RFPL1: variants seen among roughly 807,000 people sequenced by gnomAD.
RFPL1 encodes the protein ret finger protein-like 1.
Under a neutral mutation model 9.6 loss-of-function variants are expected in RFPL1, and 6 were observed. The ratio of observed to expected loss-of-function variants is 0.62; its 90% CI spans 0.34 to 1.23. The LOEUF (loss-of-function observed/expected upper bound fraction) is 1.23, where lower values mean the gene tolerates loss of function less well. Ranked by LOEUF, RFPL1 falls within the 50% of genes most tolerant of loss-of-function variation. The pLI is 0.03. For missense variants in RFPL1, 352 were observed against 398.4 expected (o/e 0.88, Z 0.99); for synonymous variants, 145 against 149.4 (o/e 0.97, Z 0.22).
rs73405050 is a variant in RFPL1 at position 29,439,198 on chromosome 22, G to C, written c.373+34G>C. On this transcript the variant is annotated intron_variant, in intron 1 of 1. Transcript: ENST00000354373. Reference sequence around the variant, plus strand: ...TCTGTATACACTGCCCCCTTCCTACGACCAGACCAGGAAAAATCATCTGTG... The same window carrying C: ...TCTGTATACACTGCCCCCTTCCTACCACCAGACCAGGAAAAATCATCTGTG... The C allele has an allele frequency of 1.9e-6, 3 of 1,588,960 alleles. No homozygotes were observed. In the South Asian group the frequency reaches 3.4e-5, roughly 18 times the overall value.
At chr22:29,419,144 C>T in the RFPL1 span, 5 of 1,607,930 alleles carry the variant, frequency 3.1e-6, no homozygotes, top group Admixed American at 1.7e-5. Context: ...ACCAGGCCTA[C>T]TCCTACACAC....
the RFPL1 span, among the ~76,000 whole-genome samples, chr22:29,397,210 C>T: frequency 8.5e-5 from 13 of 152,126 alleles, no homozygotes; most frequent in Non-Finnish European, 1.6e-4. Flanking sequence ...CGCCCGGCCA[C>T]CTGAAACTTC....
At chr22:29,415,861 A>G in the RFPL1 span, among the ~76,000 whole-genome samples, 12 of 152,204 alleles carry the variant, frequency 7.9e-5, no homozygotes, top group African/African-American at 2.4e-4. Flanking sequence ...TGTGATCTAT[A>G]GATAGCACAA....
the RFPL1 span, among the ~76,000 whole-genome samples, chr22:29,396,362 T>G: frequency 6.6e-6 from 1 of 152,216 alleles, no homozygotes; most frequent in African/African-American, 2.4e-5. Flanking sequence ...TCTCTCTCTT[T>G]CTGCCATGGG....
the RFPL1 span, among the ~76,000 whole-genome samples, chr22:29,410,436 A>ATATATATCTATATATAGATC: frequency 1.0e-5 from 1 of 96,166 alleles, no homozygotes; most frequent in African/African-American, 4.4e-5. Context: ...TATTGTAGAT[A>ATATATATCTATATATAGATC]TATATATCTA....
At chr22:29,414,520 C>T in the RFPL1 span, among the ~76,000 whole-genome samples, 1 of 152,088 alleles carries the variant, frequency 6.6e-6, no homozygotes, top group Admixed American at 6.5e-5. Context: ...CAAAGTTGAG[C>T]AGACCAATTA....
chr22:29,420,626 GTTTTTTGCT>G, the RFPL1 span, among the ~76,000 whole-genome samples: 4 of 82,586 alleles, frequency 4.8e-5, no homozygotes, highest in African/African-American at 1.1e-4. Context: ...ACTGCAGATG[GTTTTTTGCT>G]TTTTTTTTTT....
chr22:29,429,560 C>G, the RFPL1 span, among the ~76,000 whole-genome samples: 1 of 152,040 alleles, frequency 6.6e-6, no homozygotes, highest in Non-Finnish European at 1.5e-5. Context: ...ATTGGGAAGA[C>G]TAGAGGAAAT....
the RFPL1 span, among the ~76,000 whole-genome samples, chr22:29,397,505 A>G: frequency 6.6e-6 from 1 of 152,260 alleles, no homozygotes; most frequent in Admixed American, 6.5e-5. Flanking sequence ...AGCCAGTGCC[A>G]ACAGCAAGAA....
At chr22:29,396,941 G>C in the RFPL1 span, among the ~76,000 whole-genome samples, 7 of 121,760 alleles carry the variant, frequency 5.7e-5, no homozygotes, top group Non-Finnish European at 9.5e-5. Context: ...GAGTCTCGCT[G>C]TGTCGCCCAG....
At chr22:29,405,301 G>A in the RFPL1 span, among the ~76,000 whole-genome samples, 1 of 152,190 alleles carries the variant, frequency 6.6e-6, no homozygotes, top group Non-Finnish European at 1.5e-5. Context: ...ATGGTATGCT[G>A]TGTGTCCTCT....
chr22:29,424,464 A>G, the RFPL1 span, among the ~76,000 whole-genome samples: 55 of 132,074 alleles, frequency 4.2e-4, no homozygotes, highest in South Asian at 1.3e-3. Flanking sequence ...TTTGAATCCC[A>G]TTTTACAGAA....
the RFPL1 span, chr22:29,423,198 A>G: frequency 4.2e-6 from 5 of 1,188,210 alleles, no homozygotes; most frequent in Admixed American, 8.7e-5. Flanking sequence ...TCTGCAAGAG[A>G]GAGAAGAGAG....
At chr22:29,418,173 C>T in the RFPL1 span, among the ~76,000 whole-genome samples, 1 of 152,020 alleles carries the variant, frequency 6.6e-6, no homozygotes, top group South Asian at 2.1e-4. Flanking sequence ...TGTGATCCAC[C>T]CTCCTCGGCC....
chr22:29,410,851 G>A, the RFPL1 span, among the ~76,000 whole-genome samples: 1 of 150,740 alleles, frequency 6.6e-6, no homozygotes, highest in Non-Finnish European at 1.5e-5. Flanking sequence ...TTCCATCTGG[G>A]TGAAAAAAAA....
the RFPL1 span, among the ~76,000 whole-genome samples, chr22:29,428,655 C>T: frequency 6.6e-6 from 1 of 152,074 alleles, no homozygotes; most frequent in Non-Finnish European, 1.5e-5. Context: ...TCTTCTCAGA[C>T]CACAATGAAA....
chr22:29,418,090 C>G, the RFPL1 span, among the ~76,000 whole-genome samples: 1 of 152,148 alleles, frequency 6.6e-6, no homozygotes, highest in Admixed American at 6.5e-5. Context: ...GCCACCATAC[C>G]CAGCTAATTT....
chr22:29,397,342 G>A, the RFPL1 span, among the ~76,000 whole-genome samples: 2 of 152,114 alleles, frequency 1.3e-5, no homozygotes, highest in African/African-American at 4.8e-5. Context: ...ACTGATTCAG[G>A]TCTTCAACTG....
chr22:29,406,152 A>G, the RFPL1 span, among the ~76,000 whole-genome samples: 12 of 136,878 alleles, frequency 8.8e-5, no homozygotes, highest in African/African-American at 1.4e-4. Context: ...AAAAATAAAA[A>G]AAAAGAAATA....
Sources: allele counts gnomAD v4.1 joint callset (sites outside exome capture counted in the v4.1 genomes callset), GRCh38; gene constraint gnomAD v4.1.1; transcripts MANE v1.5; gene names NCBI Gene and HGNC (gene_info 2026-07-23, HGNC 2026-07-21).